Variants in DTNA observed in about 807,000 individuals in gnomAD.
DTNA encodes the protein dystrophin-related protein 3.
In DTNA, 43 loss-of-function variants were observed where a neutral mutation model predicts 100.7. That is an observed-to-expected ratio of 0.43 (90% confidence interval 0.33 to 0.55). DTNA has a LOEUF of 0.55. DTNA is among the 20% of genes least tolerant of loss of function. The probability of loss-of-function intolerance (pLI) is 0.04; values close to 1 mark genes in which losing one functional copy is unlikely to be tolerated. For synonymous variants in DTNA, 349 were observed against 347.9 expected (o/e 1.00, Z -0.04); for missense variants, 798 against 953.9 (o/e 0.84, Z 2.15).
At chr18:34,734,581 C>A (rs1239868414) in intron 1 of DTNA, among the ~76,000 whole-genome samples, 1 of 152,160 alleles carries the variant, frequency 6.6e-6, no homozygotes, top group African/African-American at 2.4e-5. Context: ...GGAGATAAGA[C>A]TCTCATTCAG....
rs117464158 is a variant in DTNA, at chr18:34,569,005, A to G, written c.-2+75491A>G. 5.3e-4 allele frequency among the ~76,000 whole-genome samples: 81 copies of G among 152,358 alleles called. 1 individual carries two copies. The East Asian group carries it at 0.015, about 28-fold the overall frequency. On this transcript the variant is annotated intron_variant, in intron 1 of 19. Transcript: ENST00000283365. Reference sequence around the variant, plus strand: ...TTGAACATCTGAGGAAACCCATGTTACTATGCTGAATCCATGGTATTTCCA... The same window carrying G: ...TTGAACATCTGAGGAAACCCATGTTGCTATGCTGAATCCATGGTATTTCCA...
rs565162529 is a variant in DTNA at position 34,551,718 on chromosome 18, A to G, written c.-2+58204A>G. Among the ~76,000 whole-genome samples the G allele has an allele frequency of 1.1e-4, 16 of 152,298 alleles. No individual in the cohort carries two copies. The East Asian group carries it at 3.1e-3, about 29-fold the overall frequency. ...CATAGCAGGAGGGCTAGGAAAAAGT[A>G]TATCTTTTGGTCTAGATCTGAAAGT... On this transcript the variant is annotated intron_variant, in intron 1 of 19. Coordinates refer to the DTNA transcript ENST00000283365.
At chr18:34,599,195 GAATGTATCTTCAGAA>G (rs1598874758) in intron 1 of DTNA, among the ~76,000 whole-genome samples, 1 of 152,168 alleles carries the variant, frequency 6.6e-6, no homozygotes, top group Admixed American at 6.5e-5. Flanking sequence ...TGGGGCTTCA[GAATGTATCTTCAGAA>G]AATGTATCTT....
chr18:34,781,334 A>C (rs756310773), intron 3 of DTNA, among the ~76,000 whole-genome samples: 56 of 152,222 alleles, frequency 3.7e-4, no homozygotes, highest in Non-Finnish European at 5.7e-4. Flanking sequence ...TTGTGTAATA[A>C]TTAAAACAGG....
At chr18:34,548,278 A>T (rs1230476011) in intron 1 of DTNA, among the ~76,000 whole-genome samples, 1 of 152,104 alleles carries the variant, frequency 6.6e-6, no homozygotes, top group Admixed American at 6.6e-5. Context: ...AGGTGTCCCT[A>T]TACTCTGGTA....
chr18:34,860,220 GTTTTTTTTTT>G (rs55673388), intron 16 of DTNA, among the ~76,000 whole-genome samples: 106 of 80,278 alleles, frequency 1.3e-3, no homozygotes, highest in Middle Eastern at 8.1e-3. Flanking sequence ...CTAATTTTTT[GTTTTTTTTTT>G]TTTTTTTTTT....
chr18:34,890,558 C>A lies in DTNA; in HGVS notation c.*2824C>A. 6.9e-7 allele frequency: 1 copy of A among 1,447,046 alleles called. No homozygotes were observed. The highest frequency in any genetic ancestry group is 9.2e-7 in the Non-Finnish European group (1 of 1,081,678). The allele number at this position is 1,447,046 out of a possible 1,614,324, so 89.6% of individuals were successfully genotyped here. On this transcript the variant is annotated 3_prime_UTR_variant, in exon 23 of 23. Coordinates refer to ENST00000444659, the MANE Select transcript of DTNA (RefSeq NM_001386795.1). ...ATCCATCTCCATCAGAGCTGATAGC[C>A]TGTTAATAAGCACTGGTCTAACACA...
chr18:34,854,086 A>G (rs2096524050), intron 15 of DTNA, among the ~76,000 whole-genome samples: 1 of 152,216 alleles, frequency 6.6e-6, no homozygotes, highest in Non-Finnish European at 1.5e-5. Flanking sequence ...TAAAAGAACC[A>G]TTGGACTTTG....
intron 3 of DTNA, among the ~76,000 whole-genome samples, chr18:34,777,905 T>G (rs1402591264): frequency 6.6e-6 from 1 of 152,194 alleles, no homozygotes; most frequent in African/African-American, 2.4e-5. Flanking sequence ...AAGTCTGTTT[T>G]CCTCTTAAGT....
chr18:34,885,493 G>A (rs1288541966), intron 22 of DTNA, among the ~76,000 whole-genome samples: 5 of 152,138 alleles, frequency 3.3e-5, no homozygotes, highest in Non-Finnish European at 5.9e-5. Context: ...AAGCTTAGGC[G>A]CCAGACTCTA....
At chr18:34,511,451 C>T (rs761122925) in intron 1 of DTNA, among the ~76,000 whole-genome samples, 45 of 152,024 alleles carry the variant, frequency 3.0e-4, no homozygotes, top group Non-Finnish European at 6.6e-4. Flanking sequence ...AGCTGAAATT[C>T]CTGGGCTCTA....
At chr18:34,718,999 G>T (rs1182631538) in intron 1 of DTNA, among the ~76,000 whole-genome samples, 1 of 150,364 alleles carries the variant, frequency 6.7e-6, no homozygotes, top group Non-Finnish European at 1.5e-5. Context: ...CTTTTTTTTT[G>T]GAGAACAGTC....
At chr18:34,501,627 C>T (rs895130089) in intron 1 of DTNA, among the ~76,000 whole-genome samples, 14 of 151,930 alleles carry the variant, frequency 9.2e-5, no homozygotes, top group South Asian at 2.1e-4. Context: ...TTTTTAGTTA[C>T]GGGACTCGAT....
chr18:34,668,999 T>G (rs1182340106), intron 1 of DTNA, among the ~76,000 whole-genome samples: 1 of 152,180 alleles, frequency 6.6e-6, no homozygotes, highest in Non-Finnish European at 1.5e-5. Context: ...TTCTGTCTCA[T>G]TGATCTGTCT....
rs58811674 is a variant in DTNA at position 34,532,770 on chromosome 18, A to ATG, written c.-2+39268_-2+39269dup. Among the ~76,000 whole-genome samples, 1,246 of 149,858 alleles carry ATG rather than the reference A, an allele frequency of 8.3e-3. 16 individuals carry two copies. Among genetic ancestry groups the ATG allele is most frequent in the African/African-American group, 0.029 (1,174 of 40,854 alleles). ...ATATTTAAAACATATATATATATAT[A>ATG]TGTGTGTGTGTGTATGCATAGAACG... On this transcript the variant is annotated intron_variant, in intron 1 of 19. Coordinates refer to the DTNA transcript ENST00000283365.
chr18:34,541,886 A>G (rs1008469045), intron 1 of DTNA, among the ~76,000 whole-genome samples: 1 of 152,060 alleles, frequency 6.6e-6, no homozygotes, highest in African/African-American at 2.4e-5. Context: ...GCAAGGTGTG[A>G]TGGGTCTAGA....
At chr18:34,805,475 C>G (rs1018236900) in intron 4 of DTNA, among the ~76,000 whole-genome samples, 2 of 152,076 alleles carry the variant, frequency 1.3e-5, no homozygotes, top group Non-Finnish European at 1.5e-5. Context: ...CAGACGTGCA[C>G]CACCACACCT....
Position 34,836,234 on chromosome 18 carries a change from G to T in DTNA, c.1176-1860G>T, listed in dbSNP as rs181321765. Among the ~76,000 whole-genome samples, 102 of 152,276 alleles carry T rather than the reference G, an allele frequency of 6.7e-4. 1 individual carries two copies. The highest frequency in any genetic ancestry group is 2.3e-3 in the African/African-American group (95 of 41,556). On this transcript the variant is annotated intron_variant, in intron 11 of 22. Transcript: ENST00000444659. Reference sequence around the variant, plus strand: ...CATCAGAAAATGATGGCTGAAGGTGGTTATTTGGCCCTGATGGGCAGGTTT... The same window carrying T: ...CATCAGAAAATGATGGCTGAAGGTGTTTATTTGGCCCTGATGGGCAGGTTT...
intron 1 of DTNA, among the ~76,000 whole-genome samples, chr18:34,566,353 T>G (rs757266743): frequency 9.9e-5 from 15 of 152,048 alleles, no homozygotes; most frequent in African/African-American, 1.4e-4. Flanking sequence ...ATTTGGGAAC[T>G]TTGATATACA....
Sources: allele counts gnomAD v4.1 joint callset (sites outside exome capture counted in the v4.1 genomes callset), GRCh38; gene constraint gnomAD v4.1.1; transcripts MANE v1.5; gene names NCBI Gene and HGNC (gene_info 2026-07-23, HGNC 2026-07-21).